Variants in CTNND2 observed in about 807,000 individuals in gnomAD.
CTNND2 encodes catenin delta 2.
In CTNND2, 22 loss-of-function variants were observed where a neutral mutation model predicts 144.4. That is an observed-to-expected ratio of 0.15 (90% CI 0.11 to 0.22). The LOEUF is 0.22. Among genes scored for constraint, CTNND2 ranks in the 10% least tolerant of loss-of-function variants. CTNND2 has a pLI of 1.00. For missense variants in CTNND2, 1,353 were observed against 1,618.8 expected, an observed-to-expected ratio of 0.84 and a Z score of 2.82; for synonymous variants, 751 against 695.6, an observed-to-expected ratio of 1.08 and a Z score of -1.25.
intron 2 of CTNND2, among the ~76,000 whole-genome samples, chr5:11,665,175 G>A (rs995487963): frequency 6.6e-6 from 1 of 152,138 alleles, no homozygotes; most frequent in Non-Finnish European, 1.5e-5. Context: ...GTGCATCTCC[G>A]TTCAGAGCTT....
At position 11,500,732 on chromosome 5, in the gene CTNND2, A is replaced by G. The variant is rs954236569; in HGVS notation, c.287+64212T>C. On this transcript the variant is annotated intron_variant, in intron 3 of 21. Coordinates refer to ENST00000304623, the MANE Select transcript of CTNND2 (RefSeq NM_001332.4). ...TATTACTCCAATAGCTACATATTCT[A>G]AAATACACATACTGAACACCACGCT... 2.0e-5 allele frequency among the ~76,000 whole-genome samples: 3 copies of G among 152,366 alleles called. No homozygotes were observed. The South Asian group carries it at 6.2e-4, about 32-fold the overall frequency.
In CTNND2 at chr5:11,364,766, C is replaced by A. The variant is rs900235886; in HGVS notation, c.1302G>T (p.Met434Ile). ...CCCCCTGGCTCTGGCTGAGACTCCT[C>A]ATAGGGGGCTTCTGATAGACGCGGT... ...YEDRVYQKPP[M>I]RSLSQSQGDP... is the part of the protein sequence containing the mutation. The change falls in exon 8 of 22, where the codon ATG becomes ATT. Residue 434 changes from methionine (M) to isoleucine (I), a missense_variant. This residue lies in a region of CTNND2 where 708 missense variants were observed against 706.4 expected (regional missense o/e 1.00). Transcript: ENST00000304623. 1.9e-6 allele frequency: 3 copies of A among 1,613,940 alleles called. No homozygotes were observed. The East Asian group carries it at 6.7e-5, about 36-fold the overall frequency.
At chr5:11,412,663 T>C (rs1402069811) in intron 3 of CTNND2, among the ~76,000 whole-genome samples, 4 of 152,178 alleles carry the variant, frequency 2.6e-5, no homozygotes, top group African/African-American at 9.6e-5. Flanking sequence ...ATGCCAAAGA[T>C]ACTGTATAGA....
At chr5:11,657,887 A>C (rs1443780435) in intron 2 of CTNND2, among the ~76,000 whole-genome samples, 3 of 152,094 alleles carry the variant, frequency 2.0e-5, no homozygotes, top group Non-Finnish European at 4.4e-5. Context: ...AAAAGAAAAA[A>C]CGTAAACAAT....
intron 1 of CTNND2, among the ~76,000 whole-genome samples, chr5:11,768,710 T>C (rs1789743386): frequency 6.6e-6 from 1 of 152,196 alleles, no homozygotes; most frequent in South Asian, 2.1e-4. Flanking sequence ...CCATGCTCAT[T>C]GATAAAAACT....
Position 11,611,040 on chromosome 5 carries a change from T to C in CTNND2, c.175-45984A>G, listed in dbSNP as rs111638212. On this transcript the variant is annotated intron_variant, in intron 2 of 21. Transcript: ENST00000304623. ...TAGTTCCCATATTCTCCATGTGTCA[T>C]GGGAGGGACCTGGTGGGAGGTAATT... Among the ~76,000 whole-genome samples, 1,122 of 152,276 alleles carry C rather than the reference T, an allele frequency of 7.4e-3. 12 individuals carry two copies. The highest frequency in any genetic ancestry group is 9.7e-3 in the Non-Finnish European group (658 of 68,018).
intron 9 of CTNND2, among the ~76,000 whole-genome samples, chr5:11,308,322 G>C (rs1026446521): frequency 1.3e-5 from 2 of 151,488 alleles, no homozygotes; most frequent in African/African-American, 4.9e-5. Context: ...AACTTTCTCT[G>C]TAAATAACTG....
At chr5:11,588,876 C>T in intron 2 of CTNND2, 2 of 985,436 alleles carry the variant, frequency 2.0e-6, no homozygotes, top group African/African-American at 3.5e-5. Context: ...TGGCATCCTA[C>T]CCACCTCCCT....
chr5:11,564,180 C>A (rs1776895479), intron 3 of CTNND2, among the ~76,000 whole-genome samples: 3 of 152,176 alleles, frequency 2.0e-5, no homozygotes, highest in Admixed American at 6.5e-5. Flanking sequence ...GTATTCACTG[C>A]AGTTTATTTG....
At chr5:11,381,475 G>A (rs1758472225) in intron 7 of CTNND2, among the ~76,000 whole-genome samples, 2 of 152,114 alleles carry the variant, frequency 1.3e-5, no homozygotes, top group Non-Finnish European at 1.5e-5. Context: ...ATTAACCCCC[G>A]TGGTCTCCTT....
intron 16 of CTNND2, among the ~76,000 whole-genome samples, chr5:11,043,354 T>C (rs960251776): frequency 3.3e-5 from 5 of 152,184 alleles, no homozygotes; most frequent in Admixed American, 1.3e-4. Context: ...CTGTTAGCAT[T>C]ATTATTACTC....
chr5:11,242,190 C>T (rs1285283665), intron 9 of CTNND2, among the ~76,000 whole-genome samples: 1 of 152,166 alleles, frequency 6.6e-6, no homozygotes, highest in African/African-American at 2.4e-5. Context: ...ATAATAATCT[C>T]CAGTAATAAC....
intron 14 of CTNND2, among the ~76,000 whole-genome samples, chr5:11,109,217 T>C (rs1367813526): frequency 2.0e-5 from 3 of 152,124 alleles, no homozygotes; most frequent in Admixed American, 6.5e-5. Context: ...ATGCATAGAG[T>C]GTCAAACACT....
chr5:11,732,954 G>C (rs1233347754), intron 1 of CTNND2, among the ~76,000 whole-genome samples: 1 of 152,112 alleles, frequency 6.6e-6, no homozygotes. Context: ...TAAAACCCCA[G>C]AGGACTGGGT....
intron 18 of CTNND2, among the ~76,000 whole-genome samples, chr5:11,012,237 AG>A (rs1404650442): frequency 2.0e-5 from 3 of 148,934 alleles, no homozygotes; most frequent in Non-Finnish European, 3.0e-5. Context: ...AAACCAAGGG[AG>A]GGGGTGGGAT....
At chr5:11,438,548 A>G (rs1231492432) in intron 3 of CTNND2, among the ~76,000 whole-genome samples, 1 of 151,692 alleles carries the variant, frequency 6.6e-6, no homozygotes, top group African/African-American at 2.4e-5. Flanking sequence ...TTTAAAGGTG[A>G]TTAAGTTGAC....
chr5:11,688,931 C>G (rs983826030), intron 2 of CTNND2, among the ~76,000 whole-genome samples: 1 of 152,158 alleles, frequency 6.6e-6, no homozygotes, highest in Non-Finnish European at 1.5e-5. Flanking sequence ...GACGGAGTTG[C>G]CCTTTTGATG....
intron 15 of CTNND2, among the ~76,000 whole-genome samples, chr5:11,096,433 T>C (rs1751357117): frequency 6.6e-6 from 1 of 152,180 alleles, no homozygotes. Context: ...TCTGTTCCTG[T>C]TTTAGTTTGC....
At chr5:11,690,667 T>C (rs10042972) in intron 2 of CTNND2, among the ~76,000 whole-genome samples, 19,198 of 136,856 alleles carry the variant, frequency 0.14, 4,133 homozygotes, top group African/African-American at 0.47. Flanking sequence ...ACCCGGGAAG[T>C]GGAGCTTGCA....
Sources: gnomAD v4.1 joint callset for allele counts (sites outside exome capture counted in the v4.1 genomes callset) on GRCh38, gnomAD v4.1.1 for gene constraint, gnomAD v4.1.1 regional missense constraint, MANE v1.5 for transcripts, NCBI Gene and HGNC (gene_info 2026-07-23, HGNC 2026-07-21) for gene names.